CCDC138: variants seen among roughly 807,000 people sequenced by gnomAD.
CCDC138 encodes coiled-coil domain containing 138, also known as coiled-coil domain-containing protein 138.
A neutral mutation model predicts 82.3 loss-of-function variants in CCDC138; 66 were observed. The observed-to-expected ratio is 0.80, with a 90% confidence interval of 0.66 to 0.98. CCDC138 has a LOEUF of 0.98. Ranked by LOEUF, CCDC138 falls within the 50% of genes least tolerant of loss-of-function variation. The probability of loss-of-function intolerance (pLI) is 0.00; values close to 1 mark genes in which losing one functional copy is unlikely to be tolerated. For synonymous variants in CCDC138, 297 were observed against 265.4 expected, an observed-to-expected ratio of 1.12 and a Z score of -1.16; for missense variants, 816 against 758.9, an observed-to-expected ratio of 1.08 and a Z score of -0.88.
chr2:108,836,919 G>A (rs985442583), intron 10 of CCDC138, among the ~76,000 whole-genome samples: 4 of 151,714 alleles, frequency 2.6e-5, no homozygotes, highest in African/African-American at 9.7e-5. Flanking sequence ...TTTGTATTCA[G>A]CAACTTTGCT....
intron 2 of CCDC138, among the ~76,000 whole-genome samples, chr2:108,788,634 G>A (rs1025687743): frequency 3.3e-5 from 5 of 149,910 alleles, no homozygotes; most frequent in Non-Finnish European, 5.9e-5. Context: ...GCAGGAGAAT[G>A]GGGTGAACCC....
At chr2:108,803,004 A>G (rs1376699187) in intron 6 of CCDC138, among the ~76,000 whole-genome samples, 1 of 152,160 alleles carries the variant, frequency 6.6e-6, no homozygotes, top group Non-Finnish European at 1.5e-5. Flanking sequence ...AAGCCTTTGC[A>G]ATGTTGCTGT....
intron 10 of CCDC138, among the ~76,000 whole-genome samples, chr2:108,830,819 CAA>C (rs375632403): frequency 7.2e-6 from 1 of 138,474 alleles, no homozygotes; most frequent in Non-Finnish European, 1.6e-5. Context: ...AAATAAAAAA[CAA>C]AAAAAAAAAC....
chr2:108,803,505 A>G (rs750515553), intron 6 of CCDC138, among the ~76,000 whole-genome samples: 16 of 152,164 alleles, frequency 1.1e-4, no homozygotes, highest in African/African-American at 2.9e-4. Context: ...CGCAGTGGCT[A>G]TGCACAGACG....
intron 9 of CCDC138, among the ~76,000 whole-genome samples, chr2:108,813,248 CAAAAAAAAAA>C (rs371435296): frequency 7.9e-5 from 5 of 63,564 alleles, no homozygotes; most frequent in East Asian, 1.0e-3. Flanking sequence ...GACTCCGTCT[CAAAAAAAAAA>C]AAAAAAAAAA....
intron 10 of CCDC138, among the ~76,000 whole-genome samples, chr2:108,830,889 A>G (rs1199154581): frequency 6.6e-6 from 1 of 151,026 alleles, no homozygotes; most frequent in Admixed American, 6.6e-5. Flanking sequence ...GGCCAGGACA[A>G]CTTGGCCAGG....
intron 12 of CCDC138, among the ~76,000 whole-genome samples, chr2:108,848,378 G>A (rs1690852865): frequency 1.3e-5 from 2 of 152,216 alleles, no homozygotes; most frequent in Admixed American, 1.3e-4. Flanking sequence ...ATATTGGGAA[G>A]GAGTAGAGAA....
At chr2:108,877,475 AAAAT>A (rs779927368), downstream of CCDC138, among the ~76,000 whole-genome samples, 24 of 152,260 alleles carry the variant, frequency 1.6e-4, no homozygotes, top group Admixed American at 3.9e-4. Context: ...CAAAAAAATA[AAAAT>A]AAATAAATAA....
intron 13 of CCDC138, among the ~76,000 whole-genome samples, chr2:108,859,904 T>G (rs534415508): frequency 2.4e-4 from 37 of 152,190 alleles, no homozygotes; most frequent in Non-Finnish European, 5.1e-4. Context: ...ATATAACCAT[T>G]TAAATGATCT....
rs778625272 is a variant in CCDC138 at position 108,812,947 on chromosome 2, T to G, written c.1041+20T>G. The G allele has an allele frequency of 6.2e-7, 1 of 1,609,372 alleles. No individual in the cohort carries two copies. Among genetic ancestry groups the G allele is most frequent in the East Asian group, 2.2e-5 (1 of 44,780 alleles). ...TACAAGGTAAGTTTGAATTATGATTTGATATGATTGAAAATTTCTCGGCTG... is the reference window on the plus strand; with the variant it reads ...TACAAGGTAAGTTTGAATTATGATTGGATATGATTGAAAATTTCTCGGCTG... On this transcript the variant is annotated intron_variant, in intron 9 of 14. Transcript: ENST00000295124.
chr2:108,850,658 C>T (rs1010898485), intron 12 of CCDC138, among the ~76,000 whole-genome samples: 3 of 151,914 alleles, frequency 2.0e-5, no homozygotes, highest in Non-Finnish European at 4.4e-5. Flanking sequence ...TCACCATGTT[C>T]GCCAGGCTGG....
rs768359672 is a variant in CCDC138, at chr2:108,794,539, G to A, written c.395-1G>A. 1.3e-6 allele frequency: 2 copies of A among 1,592,784 alleles called. No homozygotes were observed. The highest frequency in any genetic ancestry group is 2.2e-5 in the East Asian group (1 of 44,508). On this transcript the variant is annotated splice_acceptor_variant, in intron 4 of 14. Coordinates refer to ENST00000295124, the MANE Select transcript of CCDC138 (RefSeq NM_144978.3). LOFTEE classifies it high-confidence loss of function. ...TAATGCAAATGTTATTTTCTTTGCAGTTGCCTTGCCAACTAATACGACCTC... is the reference window on the plus strand; with the variant it reads ...TAATGCAAATGTTATTTTCTTTGCAATTGCCTTGCCAACTAATACGACCTC...
chr2:108,824,764 G>GTT (rs759967779), intron 10 of CCDC138, among the ~76,000 whole-genome samples: 9 of 149,064 alleles, frequency 6.0e-5, no homozygotes, highest in African/African-American at 2.2e-4. Context: ...CAGCACAGTA[G>GTT]TTTTTTTTTT....
intron 7 of CCDC138, among the ~76,000 whole-genome samples, chr2:108,808,673 T>C (rs1272037166): frequency 2.0e-5 from 3 of 152,230 alleles, no homozygotes; most frequent in Non-Finnish European, 4.4e-5. Context: ...GAGAAATGTC[T>C]AGTCAGATTA....
At chr2:108,794,466 CT>C in intron 4 of CCDC138, 73 bp from the exon 5 acceptor site, 4 of 1,338,684 alleles carry the variant, frequency 3.0e-6, no homozygotes, top group Non-Finnish European at 4.1e-6. Context: ...GCATCTCTTC[CT>C]AAAGGTTACT....
chr2:108,814,748 G>A (rs763320903), intron 9 of CCDC138, among the ~76,000 whole-genome samples: 111 of 150,730 alleles, frequency 7.4e-4, no homozygotes, highest in Non-Finnish European at 1.5e-3. Flanking sequence ...TGCCTTCTGG[G>A]TTCAAGCCTC....
At chr2:108,836,676 A>G (rs1230998267) in intron 10 of CCDC138, among the ~76,000 whole-genome samples, 1 of 152,150 alleles carries the variant, frequency 6.6e-6, no homozygotes, top group African/African-American at 2.4e-5. Flanking sequence ...TGATAATACC[A>G]TGTTTTCTAA....
chr2:108,870,082 A>G (rs1173631079), intron 13 of CCDC138, among the ~76,000 whole-genome samples: 4 of 152,258 alleles, frequency 2.6e-5, no homozygotes, highest in African/African-American at 9.6e-5. Flanking sequence ...TTTCTCAGCT[A>G]TCTTAAATAT....
intron 1 of CCDC138, chr2:108,882,544 T>G (rs1696321746): frequency 6.6e-6 from 1 of 152,220 alleles, no homozygotes; most frequent in Non-Finnish European, 1.5e-5. Context: ...CTTTATCTCA[T>G]TCTCTTGTTT....
Sources: gnomAD v4.1 joint callset for allele counts (sites outside exome capture counted in the v4.1 genomes callset) on GRCh38, gnomAD v4.1.1 for gene constraint, MANE v1.5 for transcripts, NCBI Gene and HGNC (gene_info 2026-07-23, HGNC 2026-07-21) for gene names.